DNTTIP1: variants seen among roughly 807,000 people sequenced by gnomAD.
DNTTIP1 encodes deoxynucleotidyltransferase terminal interacting protein 1.
In DNTTIP1, 22 loss-of-function variants were observed where a neutral mutation model predicts 52.9. The observed-to-expected ratio is 0.42, with a 90% CI of 0.30 to 0.59. The LOEUF is 0.59. DNTTIP1 is among the 20% of genes least tolerant of loss of function. The probability of loss-of-function intolerance (pLI) is 0.22; values close to 1 mark genes in which losing one functional copy is unlikely to be tolerated. For missense variants in DNTTIP1, 286 were observed against 435.5 expected (o/e 0.66, Z 3.06); for synonymous variants, 136 against 155.1 (o/e 0.88, Z 0.92).
At chr20:45,808,876 G>C (rs1981735328) in intron 10 of DNTTIP1, among the ~76,000 whole-genome samples, 1 of 152,158 alleles carries the variant, frequency 6.6e-6, no homozygotes, top group African/African-American at 2.4e-5. Flanking sequence ...GGGGTGCTTT[G>C]TTGTGAGAAG....
At chr20:45,794,857 T>C (rs905615134) in intron 3 of DNTTIP1, among the ~76,000 whole-genome samples, 13 of 150,660 alleles carry the variant, frequency 8.6e-5, no homozygotes, top group Admixed American at 1.3e-4. Context: ...TGGAGTGCAG[T>C]GGCACGGTCT....
intron 7 of DNTTIP1, 77 bp from the exon 8 acceptor site, chr20:45,803,256 T>C: frequency 6.9e-7 from 1 of 1,458,238 alleles, no homozygotes; most frequent in Non-Finnish European, 9.6e-7. Context: ...GAGGAACTCC[T>C]ACCACCACCA....
chr20:45,803,180 T>TC, intron 7 of DNTTIP1, 153 bp from the exon 8 acceptor site: 1 of 688,772 alleles, frequency 1.5e-6, no homozygotes, highest in South Asian at 1.9e-5. Flanking sequence ...GTGCTTTTTT[T>TC]CCCTTTGTTC....
At chr20:45,808,885 A>T (rs1260568980) in intron 10 of DNTTIP1, among the ~76,000 whole-genome samples, 2 of 152,104 alleles carry the variant, frequency 1.3e-5, no homozygotes, top group African/African-American at 4.8e-5. Flanking sequence ...TGTTGTGAGA[A>T]GGGGGTGGGG....
rs191580816 is a variant in DNTTIP1 at position 45,796,480 on chromosome 20, A to C, written c.372+1037A>C. On this transcript the variant is annotated intron_variant, in intron 4 of 12. Coordinates refer to ENST00000372622, the MANE Select transcript of DNTTIP1 (RefSeq NM_052951.3). ...CAGGTGCGTGGTGGATCAAGTTATC[A>C]TGGCCCCATTTGGTATCATGGGGAT... 3.9e-3 allele frequency: 1,813 copies of C among 466,136 alleles called. 14 individuals carry two copies. Among genetic ancestry groups the C allele is most frequent in the South Asian group, 7.7e-3 (496 of 64,548 alleles). The allele number at this position is 466,136 out of a possible 1,614,324, so 28.9% of individuals were successfully genotyped here.
At chr20:45,800,686 AAAAAAAAAATATATATATATATAT>A (rs1981402222) in intron 4 of DNTTIP1, among the ~76,000 whole-genome samples, 2 of 57,632 alleles carry the variant, frequency 3.5e-5, no homozygotes, top group African/African-American at 1.8e-4. Context: ...ATTTAAAAAA[AAAAAAAAAATATATATATATATAT>A]ATATATATAT....
chr20:45,798,838 T>C (rs1981330418), intron 4 of DNTTIP1, among the ~76,000 whole-genome samples: 2 of 152,320 alleles, frequency 1.3e-5, no homozygotes, highest in African/African-American at 4.8e-5. Context: ...ACTCTTAGTA[T>C]GTGTACAGAG....
At chr20:45,805,463 A>T (rs1981603980) in intron 10 of DNTTIP1, 97 bp downstream of exon 10, 4 of 1,348,108 alleles carry the variant, frequency 3.0e-6, no homozygotes, top group Non-Finnish European at 4.0e-6. Context: ...CTGATCTTGG[A>T]GTCAGGACAT....
chr20:45,794,159 G>A (rs1172644780), intron 3 of DNTTIP1, 142 bp downstream of exon 3: 2 of 500,676 alleles, frequency 4.0e-6, no homozygotes, highest in South Asian at 4.0e-5. Context: ...GTTTTGTTTT[G>A]TGTTTTTGAG....
intron 11 of DNTTIP1, 52 bp from the exon 12 acceptor site, chr20:45,810,833 G>A (rs1981812897): frequency 6.5e-7 from 1 of 1,540,298 alleles, no homozygotes; most frequent in Admixed American, 1.7e-5. Context: ...GTGTTACTGA[G>A]TTGGAGTGAA....
chr20:45,792,436 A>G, intron 1 of DNTTIP1: 1 of 497,912 alleles, frequency 2.0e-6, no homozygotes, highest in Non-Finnish European at 3.6e-6. Context: ...CCCTCGGTAA[A>G]TACTGCTTCC....
At chr20:45,807,613 A>G (rs1271395464) in intron 10 of DNTTIP1, among the ~76,000 whole-genome samples, 1 of 152,162 alleles carries the variant, frequency 6.6e-6, no homozygotes, top group African/African-American at 2.4e-5. Flanking sequence ...TCCCGTGGTA[A>G]AAAGATTCAG....
chr20:45,792,179 G>A, intron 1 of DNTTIP1, 70 bp downstream of exon 1: 1 of 961,752 alleles, frequency 1.0e-6, no homozygotes, highest in Non-Finnish European at 1.4e-6. Context: ...ACCCTGGCCC[G>A]CGGGCGAGAG....
chr20:45,803,859 C>G (rs936643090), intron 8 of DNTTIP1, among the ~76,000 whole-genome samples: 3 of 152,198 alleles, frequency 2.0e-5, no homozygotes, highest in African/African-American at 7.2e-5. Context: ...CGTAAGTGAT[C>G]GAGCTGAGTC....
rs747542881 is a variant in DNTTIP1 at position 45,803,428 on chromosome 20, A to T, written c.603+50A>T. 3.7e-6 allele frequency: 6 copies of T among 1,607,780 alleles called. No individual in the cohort carries two copies. The East Asian group carries it at 1.3e-4, about 36-fold the overall frequency. ...GATCACGATCCCAGGAGATAGTCCCACTATCTCTAGGACCCACCATGAGGG... is the reference window on the plus strand; with the variant it reads ...GATCACGATCCCAGGAGATAGTCCCTCTATCTCTAGGACCCACCATGAGGG... On this transcript the variant is annotated intron_variant, in intron 8 of 12. Coordinates refer to ENST00000372622, the MANE Select transcript of DNTTIP1 (RefSeq NM_052951.3).
intron 10 of DNTTIP1, among the ~76,000 whole-genome samples, chr20:45,808,748 T>C (rs1367714510): frequency 5.9e-5 from 9 of 152,198 alleles, no homozygotes; most frequent in South Asian, 4.1e-4. Flanking sequence ...ACATGAGGTG[T>C]CCCGATTTTT....
Position 45,801,114 on chromosome 20 carries a change from G to A in DNTTIP1, c.413G>A (p.Arg138Lys), listed in dbSNP as rs1981453012. Residue 138 changes from arginine to lysine, a missense_variant, in exon 5 of 13, where the codon AGA (arginine) becomes AAA (lysine). By Grantham distance (26) the Arg-to-Lys change is conservative. Coordinates refer to ENST00000372622, the MANE Select transcript of DNTTIP1 (RefSeq NM_052951.3). The stretch of plus-strand genomic sequence containing the variant: ...TCAGATGGAGAAAAAGTAATACCCA[G>A]ATTGACCCATGAGCTTCCAGGAATA... ...LFSDGEKVIP[R>K]LTHELPGIKR... 1 of 1,613,994 alleles carries A rather than the reference G, an allele frequency of 6.2e-7. No individual in the cohort carries two copies. Among genetic ancestry groups the A allele is most frequent in the South Asian group, 1.1e-5 (1 of 91,084 alleles).
intron 1 of DNTTIP1, 83 bp downstream of exon 1, chr20:45,792,192 C>A (rs375996446): frequency 2.3e-6 from 2 of 863,866 alleles, no homozygotes; most frequent in East Asian, 3.3e-5. Flanking sequence ...GGCGAGAGAA[C>A]GCGGAGGCTG....
intron 6 of DNTTIP1, 54 bp from the exon 7 acceptor site, chr20:45,801,945 G>T (rs1785593393): frequency 6.4e-7 from 1 of 1,560,498 alleles, no homozygotes; most frequent in African/African-American, 1.4e-5. Context: ...CCTGCCAATG[G>T]GGTATGGGGA....
Sources: gnomAD v4.1 joint callset for allele counts (sites outside exome capture counted in the v4.1 genomes callset) on GRCh38, gnomAD v4.1.1 for gene constraint, MANE v1.5 for transcripts, NCBI Gene and HGNC (gene_info 2026-07-23, HGNC 2026-07-21) for gene names.